MRTO4: variants seen among roughly 807,000 people sequenced by gnomAD.
MRTO4 encodes the protein MRT4 homolog, ribosome maturation factor.
Under a neutral mutation model 28.6 loss-of-function variants are expected in MRTO4, and 7 were observed. That is an observed-to-expected ratio of 0.24 (90% confidence interval 0.14 to 0.46). The LOEUF (loss-of-function observed/expected upper bound fraction) is 0.46. MRTO4 is among the 20% of genes least tolerant of loss of function. The pLI is 0.99. For missense variants in MRTO4, 302 were observed against 298.3 expected, an observed-to-expected ratio of 1.01 and a Z score of -0.09; for synonymous variants, 113 against 108.2, an observed-to-expected ratio of 1.04 and a Z score of -0.27.
At chr1:19,257,372 A>C (rs924364069) in intron 4 of MRTO4, 82 bp from the exon 5 acceptor site, 12 of 1,516,654 alleles carry the variant, frequency 7.9e-6, no homozygotes, top group Middle Eastern at 1.7e-4. Flanking sequence ...AATGTTGCCA[A>C]ATGTACCCGG....
At chr1:19,252,244 C>T in intron 1 of MRTO4, 1 of 310,894 alleles carries the variant, frequency 3.2e-6, no homozygotes, top group South Asian at 4.0e-5. Flanking sequence ...CTTCTTTCAG[C>T]ACAGGTTTGT....
In MRTO4 at chr1:19,259,956, G is replaced by A. The variant is rs563873596; in HGVS notation, c.*1126G>A. On this transcript the variant is annotated 3_prime_UTR_variant, in exon 8 of 8. Coordinates refer to ENST00000330263, the MANE Select transcript of MRTO4 (RefSeq NM_016183.4). ...TTTTAAAATTTTAAGGAGAGATGGGGTTTCACCATGTTGCCCAGGCTGGTC... is the reference window on the plus strand; with the variant it reads ...TTTTAAAATTTTAAGGAGAGATGGGATTTCACCATGTTGCCCAGGCTGGTC... 8 of 152,398 alleles carry A rather than the reference G, an allele frequency of 5.2e-5. No individual in the cohort carries two copies. Among genetic ancestry groups the A allele is most frequent in the Admixed American group, 4.6e-4 (7 of 15,300 alleles). 9.4% of individuals were successfully genotyped at this position (152,398 alleles called of 1,614,324 possible).
At chr1:19,257,667 G>T in intron 5 of MRTO4, 146 bp downstream of exon 5, 2 of 1,347,334 alleles carry the variant, frequency 1.5e-6, no homozygotes, top group Non-Finnish European at 2.1e-6. Flanking sequence ...TGGGACCACA[G>T]CCCTCTCTGT....
chr1:19,257,361 A>T, intron 4 of MRTO4, 93 bp from the exon 5 acceptor site: 1 of 1,447,574 alleles, frequency 6.9e-7, no homozygotes, highest in Non-Finnish European at 9.7e-7. Flanking sequence ...AAACGTCTTT[A>T]AATGTTGCCA....
chr1:19,257,314 C>G, intron 4 of MRTO4, 140 bp from the exon 5 acceptor site: 1 of 1,177,168 alleles, frequency 8.5e-7, no homozygotes, highest in Non-Finnish European at 1.3e-6. Context: ...GGAATAGCAG[C>G]TTCCTGCCTC....
chr1:19,252,293 C>G (rs1283004702), intron 1 of MRTO4: 1 of 221,578 alleles, frequency 4.5e-6, no homozygotes, highest in African/African-American at 2.3e-5. Context: ...TTGTTTCTGC[C>G]TGGCATGCTT....
chr1:19,254,098 C>T (rs1045728352), intron 1 of MRTO4, among the ~76,000 whole-genome samples: 1 of 152,190 alleles, frequency 6.6e-6, no homozygotes, highest in African/African-American at 2.4e-5. Flanking sequence ...AGGGGCCAGG[C>T]ATGGTGGCTC....
chr1:19,255,611 T>TA, intron 2 of MRTO4, among the ~76,000 whole-genome samples: 1 of 152,298 alleles, frequency 6.6e-6, no homozygotes, highest in African/African-American at 2.4e-5. Flanking sequence ...CCTCCCCTTA[T>TA]AACAGAGAGG....
intron 1 of MRTO4, 126 bp downstream of exon 1, chr1:19,251,989 G>T: frequency 7.5e-7 from 1 of 1,334,700 alleles, no homozygotes; most frequent in Non-Finnish European, 1.0e-6. Context: ...GTGTTCCGCT[G>T]CCTCGCTGCG....
In MRTO4 at chr1:19,258,488, C is replaced by G. The variant is rs746662867; in HGVS notation, c.505C>G (p.Leu169Val). The G allele has an allele frequency of 8.1e-6, 13 of 1,613,968 alleles. No individual in the cohort carries two copies. The highest frequency in any genetic ancestry group is 6.8e-6 in the Non-Finnish European group (8 of 1,180,036). ...ACCCTCTTCTGCAGGTGTGGTGACTCTGCTGTCTGACTACGAGGTGTGCAA... is the reference window on the plus strand; with the variant it reads ...ACCCTCTTCTGCAGGTGTGGTGACTGTGCTGTCTGACTACGAGGTGTGCAA... ...PTALKRGVVT[L>V]LSDYEVCKEG... The change falls in exon 7 of 8, where the codon CTG becomes GTG. Residue 169 changes from leucine (L) to valine (V), a missense_variant. Physicochemically the swap from Leu to Val is conservative, Grantham distance 32. Transcript: ENST00000330263.
chr1:19,251,933 T>C (rs1407035542), intron 1 of MRTO4, 70 bp downstream of exon 1: 1 of 1,542,220 alleles, frequency 6.5e-7, no homozygotes, highest in African/African-American at 1.4e-5. Flanking sequence ...CGGTGAGGGC[T>C]TCGGGGCGGC....
rs557706679 is a variant in MRTO4 at position 19,259,162 on chromosome 1, G to T, written c.*332G>T. 1.6e-5 allele frequency: 3 copies of T among 187,062 alleles called. No individual in the cohort carries two copies. Among genetic ancestry groups the T allele is most frequent in the East Asian group, 2.6e-4 (2 of 7,564 alleles). 11.6% of individuals were successfully genotyped at this position (187,062 alleles called of 1,614,324 possible). On this transcript the variant is annotated 3_prime_UTR_variant, in exon 8 of 8. Transcript: ENST00000330263. ...TGCCTGTAGTCCCAGCTACTCAGGA[G>T]GCTGAGGCAGGAGAATCACTTGAAC...
At chr1:19,252,068 C>A in intron 1 of MRTO4, 1 of 711,942 alleles carries the variant, frequency 1.4e-6, no homozygotes, top group Non-Finnish European at 2.2e-6. Flanking sequence ...GTCTGGGGAG[C>A]GGAGACTCGT....
At chr1:19,254,728 T>A (rs1558121519) in intron 1 of MRTO4, 54 bp from the exon 2 acceptor site, 2 of 1,405,076 alleles carry the variant, frequency 1.4e-6, no homozygotes, top group Non-Finnish European at 2.0e-6. Context: ...AAAATAAGTC[T>A]CCAGTGCATT....
At chr1:19,257,378 C>G (rs2093673039) in intron 4 of MRTO4, 76 bp from the exon 5 acceptor site, 2 of 1,531,380 alleles carry the variant, frequency 1.3e-6, no homozygotes, top group Non-Finnish European at 1.8e-6. Flanking sequence ...GCCAAATGTA[C>G]CCGGTGAGCA....
chr1:19,254,338 A>G (rs1279965954), intron 1 of MRTO4, among the ~76,000 whole-genome samples: 2 of 152,012 alleles, frequency 1.3e-5, no homozygotes, highest in Non-Finnish European at 2.9e-5. Flanking sequence ...TCAAAGTTGC[A>G]GTGAGCCCAG....
At chr1:19,257,354 C>T (rs1042848395) in intron 4 of MRTO4, 100 bp from the exon 5 acceptor site, 22 of 1,407,770 alleles carry the variant, frequency 1.6e-5, no homozygotes, top group Admixed American at 1.2e-4. Flanking sequence ...CAACCAAAAA[C>T]GTCTTTAAAT....
At position 19,255,956 on chromosome 1, in the gene MRTO4, A is replaced by G; in HGVS notation, c.96A>G (p.Lys32=). ...CGTGAATTGTCCCACAGCTTCGGAA[A>G]TGTGTGGACACCTACAAGTACCTTT... ...LKQNLIEELR[K]CVDTYKYLFI... Residue 32 remains lysine, a synonymous_variant, in exon 3 of 8, where the codon AAA becomes AAG. Coordinates refer to ENST00000330263, the MANE Select transcript of MRTO4 (RefSeq NM_016183.4). 6.2e-7 allele frequency: 1 copy of G among 1,613,934 alleles called. No homozygotes were observed. Among genetic ancestry groups the G allele is most frequent in the Non-Finnish European group, 8.5e-7 (1 of 1,179,922 alleles).
At position 19,257,049 on chromosome 1, in the gene MRTO4, T is replaced by C; in HGVS notation, c.192-15T>C. On this transcript the variant is annotated splice_polypyrimidine_tract_variant and intron_variant, in intron 3 of 7. Coordinates refer to ENST00000330263, the MANE Select transcript of MRTO4 (RefSeq NM_016183.4). ...GGCTCTTCCTTCACAGAATGCTCTT[T>C]CTCTTGCTTGGTAGGATGTTCTTTG... is the stretch of plus-strand genomic sequence containing the variant. 5 of 1,613,358 alleles carry C rather than the reference T, an allele frequency of 3.1e-6. No individual in the cohort carries two copies. Among genetic ancestry groups the C allele is most frequent in the Non-Finnish European group, 4.2e-6 (5 of 1,179,540 alleles).
Sources: gnomAD v4.1 joint callset for allele counts (sites outside exome capture counted in the v4.1 genomes callset) on GRCh38, gnomAD v4.1.1 for gene constraint, MANE v1.5 for transcripts, NCBI Gene and HGNC (gene_info 2026-07-23, HGNC 2026-07-21) for gene names.